VSTM2A: variants seen among roughly 807,000 people sequenced by gnomAD.
VSTM2A encodes V-set and transmembrane domain containing 2A.
In VSTM2A, 13 loss-of-function variants were observed where a neutral mutation model predicts 27.3. The observed-to-expected ratio is 0.48, with a 90% CI of 0.31 to 0.76. The LOEUF is 0.76. Among genes scored for constraint, VSTM2A ranks in the 30% least tolerant of loss-of-function variants. The probability of loss-of-function intolerance (pLI) is 0.05; values close to 1 mark genes in which losing one functional copy is unlikely to be tolerated. For missense variants in VSTM2A, 280 were observed against 310.0 expected (o/e 0.90, Z 0.73); for synonymous variants, 142 against 125.7 (o/e 1.13, Z -0.87).
chr7:54,544,478 C>A, intron 1 of VSTM2A, 144 bp from the exon 2 acceptor site: 1 of 978,656 alleles, frequency 1.0e-6, no homozygotes, highest in Admixed American at 2.0e-5. Context: ...AGGAAGGGGG[C>A]TGGGGGAACC....
chr7:54,548,471 T>C (rs755334513), intron 3 of VSTM2A, among the ~76,000 whole-genome samples: 4 of 151,950 alleles, frequency 2.6e-5, no homozygotes, highest in African/African-American at 4.8e-5. Flanking sequence ...CTTCCAGAGA[T>C]GCAGACTTAA....
At chr7:54,558,710 A>G (rs905750597) in intron 4 of VSTM2A, 1 of 152,138 alleles carries the variant, frequency 6.6e-6, no homozygotes, top group Non-Finnish European at 1.5e-5. Flanking sequence ...TAATGAATTT[A>G]AAAATGTAAC....
At chr7:54,566,155 C>T (rs1055394395) in intron 4 of VSTM2A, among the ~76,000 whole-genome samples, 2 of 152,184 alleles carry the variant, frequency 1.3e-5, no homozygotes, top group African/African-American at 2.4e-5. Context: ...TGTCGAAGGA[C>T]GTTATGAAAT....
At chr7:54,559,202 C>T (rs1268274998) in intron 4 of VSTM2A, 1 of 151,816 alleles carries the variant, frequency 6.6e-6, no homozygotes, top group East Asian at 1.9e-4. Context: ...ATATTGAATC[C>T]TCAATAGTAG....
intron 2 of VSTM2A, 126 bp from the exon 3 acceptor site, chr7:54,546,821 C>CTGGTCGCTCCCCTGTCCCA: frequency 7.6e-7 from 1 of 1,322,464 alleles, no homozygotes; most frequent in Non-Finnish European, 1.0e-6. Context: ...GGCCACGCCC[C>CTGGTCGCTCCCCTGTCCCA]TGGTCGCTCC....
intron 4 of VSTM2A, among the ~76,000 whole-genome samples, chr7:54,566,824 T>C (rs1027721380): frequency 1.3e-5 from 2 of 152,234 alleles, no homozygotes; most frequent in Non-Finnish European, 2.9e-5. Context: ...TGGCTCTGCG[T>C]GTCTCACAAA....
intron 3 of VSTM2A, among the ~76,000 whole-genome samples, chr7:54,548,869 G>A (rs1218697788): frequency 1.3e-5 from 2 of 151,058 alleles, no homozygotes; most frequent in Non-Finnish European, 2.9e-5. Flanking sequence ...AATAACTTTC[G>A]GCCTCCTTCA....
chr7:54,542,962 A>T (rs560387941), intron 1 of VSTM2A, among the ~76,000 whole-genome samples, 153 bp downstream of exon 1: 30 of 152,208 alleles, frequency 2.0e-4, no homozygotes, highest in Non-Finnish European at 2.8e-4. Context: ...GATTTTTTTT[A>T]AAGTTTATTA....
Position 54,542,664 on chromosome 7 carries a change from C to G in VSTM2A, c.-67C>G, listed in dbSNP as rs1343178266. The G allele has an allele frequency of 2.7e-5, 39 of 1,448,088 alleles. No individual in the cohort carries two copies. The highest frequency in any genetic ancestry group is 9.6e-7 in the Non-Finnish European group (1 of 1,039,082). 89.7% of individuals were successfully genotyped at this position (1,448,088 alleles called of 1,614,324 possible). A position where few individuals can be genotyped will look rare whatever the true frequency, so the allele number is the denominator to read the frequency against. The stretch of plus-strand genomic sequence containing the variant: ...TCTGAGACTGAGCCTGCCATCCACT[C>G]GCACGCCTTTCTTTCAGGGCTTTTC... On this transcript the variant is annotated 5_prime_UTR_variant, in exon 1 of 5. Transcript: ENST00000402613.
intron 2 of VSTM2A, among the ~76,000 whole-genome samples, chr7:54,545,573 G>GA: frequency 1.2e-5 from 1 of 85,714 alleles, no homozygotes; most frequent in Non-Finnish European, 2.3e-5. Context: ...AGGGGGAGAG[G>GA]GAGAAAGAAG....
chr7:54,563,284 C>T (rs930170663), intron 4 of VSTM2A, among the ~76,000 whole-genome samples: 1 of 152,132 alleles, frequency 6.6e-6, no homozygotes, highest in African/African-American at 2.4e-5. Flanking sequence ...ACCTGTACTA[C>T]CTACTAGTTG....
At chr7:54,550,604 G>A (rs1204325977) in intron 4 of VSTM2A, 1 of 202,456 alleles carries the variant, frequency 4.9e-6, no homozygotes, top group Non-Finnish European at 1.0e-5. Flanking sequence ...GCGACCCATA[G>A]CTCTAAGCAG....
chr7:54,552,304 A>AT, intron 4 of VSTM2A: 1 of 152,280 alleles, frequency 6.6e-6, no homozygotes, highest in South Asian at 2.1e-4. Context: ...ACTGGATAAT[A>AT]TTTTTATATA....
rs1788870005 is a variant in VSTM2A at position 54,570,774 on chromosome 7, A to G, written c.*1555A>G. The G allele has an allele frequency of 6.6e-6, 1 of 151,920 alleles. No individual in the cohort carries two copies. The allele number at this position is 151,920 out of a possible 1,614,324, so 9.4% of individuals were successfully genotyped here. A position where few individuals can be genotyped will look rare whatever the true frequency, so the allele number is the denominator to read the frequency against. On this transcript the variant is annotated 3_prime_UTR_variant, in exon 5 of 5. Transcript: ENST00000402613. ...TGACCTAAGTTTTCCTTCCAGAGAG[A>G]CTCTTCCATTTTCTCTCATTACAAA...
chr7:54,556,575 C>T (rs2115863855), intron 4 of VSTM2A, among the ~76,000 whole-genome samples: 1 of 152,292 alleles, frequency 6.6e-6, no homozygotes, highest in East Asian at 1.9e-4. Flanking sequence ...TCCAACTTGG[C>T]TGCTTACACA....
chr7:54,564,117 T>G (rs1788648462), intron 4 of VSTM2A, among the ~76,000 whole-genome samples: 1 of 152,224 alleles, frequency 6.6e-6, no homozygotes, highest in Non-Finnish European at 1.5e-5. Flanking sequence ...AGAGCTGTAA[T>G]GGACACTCAG....
chr7:54,570,560 A>G lies in VSTM2A; in HGVS notation c.*1341A>G, dbSNP rs1020630548. On this transcript the variant is annotated 3_prime_UTR_variant, in exon 5 of 5. Transcript: ENST00000402613. ...AAGATGATGGCAGGTCCCCGACTAA[A>G]GAAGATTAATGTGTTCAGTTTTCAC... is the stretch of plus-strand genomic sequence containing the variant. 1 of 152,204 alleles carries G rather than the reference A, an allele frequency of 6.6e-6. No homozygotes were observed. Among genetic ancestry groups the G allele is most frequent in the Non-Finnish European group, 1.5e-5 (1 of 68,040 alleles). The allele number at this position is 152,204 out of a possible 1,614,324, so 9.4% of individuals were successfully genotyped here. A position where few individuals can be genotyped will look rare whatever the true frequency, so the allele number is the denominator to read the frequency against.
chr7:54,565,712 TG>T (rs1383714561), intron 4 of VSTM2A, among the ~76,000 whole-genome samples: 22 of 152,248 alleles, frequency 1.4e-4, no homozygotes, highest in Non-Finnish European at 2.9e-4. Flanking sequence ...TCCGCCAGAC[TG>T]CGAGGCTGCC....
At chr7:54,551,375 G>A (rs1250045433) in intron 4 of VSTM2A, 1 of 152,052 alleles carries the variant, frequency 6.6e-6, no homozygotes, top group Non-Finnish European at 1.5e-5. Flanking sequence ...GATTTGTAGG[G>A]CACTTGGATT....
Sources: gnomAD v4.1 joint callset for allele counts (sites outside exome capture counted in the v4.1 genomes callset) on GRCh38, gnomAD v4.1.1 for gene constraint, MANE v1.5 for transcripts, NCBI Gene and HGNC (gene_info 2026-07-23, HGNC 2026-07-21) for gene names.